CNTN5: variants seen among roughly 807,000 people sequenced by gnomAD.
CNTN5 encodes contactin 5, also known as contactin-5.
CNTN5 carries 77 observed loss-of-function variants against 129.1 expected under a neutral mutation model. That is an observed-to-expected ratio of 0.60 (90% confidence interval 0.50 to 0.72). The LOEUF (loss-of-function observed/expected upper bound fraction) is 0.72. CNTN5 is among the 30% of genes least tolerant of loss of function. The pLI is 0.00. For missense variants in CNTN5, 1,478 were observed against 1,328.8 expected, an observed-to-expected ratio of 1.11 and a Z score of -1.75; for synonymous variants, 509 against 465.6, an observed-to-expected ratio of 1.09 and a Z score of -1.20.
chr11:99,668,100 C>T (rs555030374), intron 3 of CNTN5, among the ~76,000 whole-genome samples: 11 of 152,244 alleles, frequency 7.2e-5, no homozygotes, highest in South Asian at 2.1e-4. Flanking sequence ...TACTGCCACA[C>T]GCAGGATTCA....
intron 2 of CNTN5, among the ~76,000 whole-genome samples, chr11:99,333,323 A>T (rs1287020159): frequency 3.9e-5 from 6 of 152,028 alleles, no homozygotes; most frequent in Non-Finnish European, 7.4e-5. Context: ...TACACATACA[A>T]TAAAACAGAT....
chr11:100,049,615 T>G (rs1378377342), intron 9 of CNTN5, among the ~76,000 whole-genome samples: 1 of 151,986 alleles, frequency 6.6e-6, no homozygotes, highest in Non-Finnish European at 1.5e-5. Flanking sequence ...AAAGCCAGAA[T>G]TGACAAATGG....
chr11:99,249,179 C>T (rs1019523490), intron 1 of CNTN5, among the ~76,000 whole-genome samples: 14 of 152,100 alleles, frequency 9.2e-5, no homozygotes, highest in African/African-American at 3.1e-4. Flanking sequence ...AGAGGTCTTT[C>T]ATGTCCCTTG....
chr11:100,265,995 T>C (rs1243325550), intron 17 of CNTN5, among the ~76,000 whole-genome samples: 2 of 152,192 alleles, frequency 1.3e-5, no homozygotes, highest in Non-Finnish European at 1.5e-5. Context: ...TCAGATATGC[T>C]TCTTAAATAT....
intron 3 of CNTN5, among the ~76,000 whole-genome samples, chr11:99,561,998 G>T (rs1362108832): frequency 6.6e-6 from 1 of 152,060 alleles, no homozygotes; most frequent in Admixed American, 6.6e-5. Context: ...TTTTGAGTTG[G>T]TTATTTTGAA....
chr11:99,135,684 C>T (rs891709768), intron 1 of CNTN5, among the ~76,000 whole-genome samples: 3 of 152,100 alleles, frequency 2.0e-5, no homozygotes, highest in Non-Finnish European at 4.4e-5. Flanking sequence ...CATACTTCTG[C>T]TCAATGAAAG....
At chr11:99,199,368 C>T (rs1859055685) in intron 1 of CNTN5, among the ~76,000 whole-genome samples, 1 of 152,154 alleles carries the variant, frequency 6.6e-6, no homozygotes, top group South Asian at 2.1e-4. Context: ...GAAATTGTTT[C>T]ATTCAAAGAT....
At chr11:100,110,659 A>C (rs1945626112) in intron 13 of CNTN5, among the ~76,000 whole-genome samples, 2 of 152,210 alleles carry the variant, frequency 1.3e-5, no homozygotes, top group South Asian at 4.1e-4. Flanking sequence ...TTAGAGGAAA[A>C]TAACTTATAT....
At chr11:99,334,693 A>C (rs935350434) in intron 2 of CNTN5, among the ~76,000 whole-genome samples, 2 of 152,080 alleles carry the variant, frequency 1.3e-5, no homozygotes, top group African/African-American at 4.8e-5. Context: ...GTGTGTTGTG[A>C]AAATAAAGTA....
intron 3 of CNTN5, among the ~76,000 whole-genome samples, chr11:99,600,260 T>C (rs766165316): frequency 4.6e-5 from 7 of 152,124 alleles, no homozygotes; most frequent in African/African-American, 7.2e-5. Flanking sequence ...CATGTAAATA[T>C]ATTTTCTCTA....
chr11:99,259,356 A>G (rs138494868), intron 1 of CNTN5, among the ~76,000 whole-genome samples: 3 of 151,942 alleles, frequency 2.0e-5, no homozygotes, highest in Non-Finnish European at 2.9e-5. Context: ...ATTAATATTA[A>G]TATATTCACA....
intron 6 of CNTN5, among the ~76,000 whole-genome samples, chr11:99,899,407 T>G (rs1206142250): frequency 6.6e-6 from 1 of 152,032 alleles, no homozygotes. Flanking sequence ...CCATCTATGC[T>G]AGTTTGTTGA....
At chr11:100,056,674 A>G (rs771731824) in intron 9 of CNTN5, among the ~76,000 whole-genome samples, 49 of 151,736 alleles carry the variant, frequency 3.2e-4, no homozygotes, top group Non-Finnish European at 6.9e-4. Context: ...TGGGAAATTA[A>G]CACACCTATC....
chr11:100,147,410 G>T (rs1946888330), intron 13 of CNTN5, among the ~76,000 whole-genome samples: 1 of 152,032 alleles, frequency 6.6e-6, no homozygotes, highest in Non-Finnish European at 1.5e-5. Context: ...CTGTTCTTAT[G>T]GACTTCTCAT....
intron 9 of CNTN5, among the ~76,000 whole-genome samples, chr11:100,021,901 G>A (rs1322818402): frequency 6.6e-6 from 1 of 152,188 alleles, no homozygotes; most frequent in Non-Finnish European, 1.5e-5. Context: ...GGAGTCTGAT[G>A]TTTGAGGGCA....
intron 2 of CNTN5, among the ~76,000 whole-genome samples, chr11:99,450,025 A>AC (rs1267911859): frequency 2.6e-5 from 4 of 152,168 alleles, no homozygotes; most frequent in Non-Finnish European, 4.4e-5. Context: ...GCACAGAAAA[A>AC]GGTAATTGCC....
chr11:100,109,008 C>T (rs375310530), intron 13 of CNTN5, among the ~76,000 whole-genome samples: 58 of 152,038 alleles, frequency 3.8e-4, no homozygotes, highest in African/African-American at 1.4e-3. Context: ...ACTTCAACAC[C>T]CTTGACCAAA....
intron 1 of CNTN5, among the ~76,000 whole-genome samples, chr11:99,122,456 ATATT>A (rs141497087): frequency 0.061 from 9,278 of 152,142 alleles, 301 homozygotes; most frequent in African/African-American, 0.085. Context: ...TCTAAATACT[ATATT>A]TATTTATTAA....
intron 1 of CNTN5, among the ~76,000 whole-genome samples, chr11:99,037,000 A>G (rs758239121): frequency 5.3e-5 from 8 of 152,116 alleles, no homozygotes; most frequent in Non-Finnish European, 1.0e-4. Context: ...AATAAAATGC[A>G]TATCTGTGAA....
Sources: gnomAD v4.1 joint callset for allele counts (sites outside exome capture counted in the v4.1 genomes callset) on GRCh38, gnomAD v4.1.1 for gene constraint, MANE v1.5 for transcripts, NCBI Gene and HGNC (gene_info 2026-07-23, HGNC 2026-07-21) for gene names.